Variants in AUH observed in about 807,000 individuals in gnomAD.
The protein encoded by AUH is methylglutaconyl-CoA hydratase, mitochondrial.
A neutral mutation model predicts 42.3 loss-of-function variants in AUH; 29 were observed. The observed-to-expected ratio is 0.69, with a 90% CI of 0.51 to 0.93. The LOEUF (loss-of-function observed/expected upper bound fraction) is 0.93. Ranked by LOEUF, AUH falls within the 40% of genes least tolerant of loss-of-function variation. AUH has a pLI of 0.00. For missense variants in AUH, 452 were observed against 438.1 expected, an observed-to-expected ratio of 1.03 and a Z score of -0.28; for synonymous variants, 174 against 166.4, an observed-to-expected ratio of 1.05 and a Z score of -0.35.
intron 4 of AUH, among the ~76,000 whole-genome samples, chr9:91,300,179 C>T (rs535508208): frequency 6.6e-6 from 1 of 152,230 alleles, no homozygotes; most frequent in East Asian, 1.9e-4. Flanking sequence ...CCATCTACCT[C>T]TGGTAATTTC....
chr9:91,278,036 G>GT (rs1234748226), intron 6 of AUH, among the ~76,000 whole-genome samples: 3 of 152,176 alleles, frequency 2.0e-5, no homozygotes, highest in Non-Finnish European at 2.9e-5. Context: ...GAGGCAGCAG[G>GT]TGAGTTTTAA....
intron 3 of AUH, among the ~76,000 whole-genome samples, chr9:91,326,660 A>C (rs906484882): frequency 5.9e-5 from 9 of 152,182 alleles, no homozygotes; most frequent in Admixed American, 5.9e-4. Flanking sequence ...AGAAATGATA[A>C]ATTCAATTGG....
intron 6 of AUH, among the ~76,000 whole-genome samples, chr9:91,254,349 G>A (rs577455380): frequency 6.6e-6 from 1 of 152,312 alleles, no homozygotes; most frequent in South Asian, 2.1e-4. Context: ...ACAACAGCAG[G>A]GGCCTCAAAT....
At chr9:91,287,953 G>C (rs1176831869) in intron 6 of AUH, among the ~76,000 whole-genome samples, 1 of 152,020 alleles carries the variant, frequency 6.6e-6, no homozygotes, top group African/African-American at 2.4e-5. Flanking sequence ...GGAATGGAAG[G>C]AGAAAGAAAA....
intron 6 of AUH, among the ~76,000 whole-genome samples, chr9:91,228,445 T>C (rs1564012640): frequency 1.4e-5 from 2 of 147,874 alleles, no homozygotes; most frequent in Non-Finnish European, 3.0e-5. Flanking sequence ...CTTCTCTCTT[T>C]TTTTCTTTAT....
At position 91,227,332 on chromosome 9, in the gene AUH, C is replaced by T. The variant is rs1358066260; in HGVS notation, c.656-6340G>A. Among the ~76,000 whole-genome samples, 164 of 124,428 alleles carry T rather than the reference C, an allele frequency of 1.3e-3. 4 individuals carry two copies. In the East Asian group the frequency reaches 0.035, roughly 27 times the overall value. The allele number at this position is 124,428 out of a possible 152,430, so 81.6% of individuals were successfully genotyped here. A position where few individuals can be genotyped will look rare whatever the true frequency, so the allele number is the denominator to read the frequency against. On this transcript the variant is annotated intron_variant, in intron 6 of 9. Transcript: ENST00000375731. ...TGAAGCAATTGTGAATGGGAGTTCA[C>T]TCATGATTTGGCTCTCTGTTTGTCT...
At chr9:91,284,768 T>G (rs1158389672) in intron 6 of AUH, among the ~76,000 whole-genome samples, 1 of 152,160 alleles carries the variant, frequency 6.6e-6, no homozygotes, top group Non-Finnish European at 1.5e-5. Flanking sequence ...AGATACCATC[T>G]CACACCAGTT....
chr9:91,345,409 A>C (rs912637287), intron 3 of AUH, among the ~76,000 whole-genome samples: 1 of 152,220 alleles, frequency 6.6e-6, no homozygotes, highest in Non-Finnish European at 1.5e-5. Flanking sequence ...GTAATAAAAA[A>C]TTGGGAGTAA....
intron 6 of AUH, among the ~76,000 whole-genome samples, chr9:91,258,051 T>C (rs1012600931): frequency 6.6e-6 from 1 of 152,222 alleles, no homozygotes; most frequent in Non-Finnish European, 1.5e-5. Flanking sequence ...TACTTTGCAA[T>C]GGTCATTGCT....
intron 3 of AUH, among the ~76,000 whole-genome samples, chr9:91,341,834 G>A (rs1460386948): frequency 6.6e-6 from 1 of 152,212 alleles, no homozygotes; most frequent in Non-Finnish European, 1.5e-5. Flanking sequence ...AAAATGTGAT[G>A]GAGGCTGGGG....
chr9:91,247,913 A>G (rs1564027979), intron 6 of AUH, among the ~76,000 whole-genome samples: 1 of 152,190 alleles, frequency 6.6e-6, no homozygotes, highest in Non-Finnish European at 1.5e-5. Context: ...TTTTGGATAC[A>G]AGTCCTTTAT....
chr9:91,271,431 C>T (rs1203822227), intron 6 of AUH, among the ~76,000 whole-genome samples: 1 of 152,190 alleles, frequency 6.6e-6, no homozygotes, highest in Non-Finnish European at 1.5e-5. Context: ...GCTTAATGTT[C>T]TGCCATTTCT....
intron 6 of AUH, among the ~76,000 whole-genome samples, chr9:91,253,957 A>T (rs1351707641): frequency 6.6e-6 from 1 of 152,266 alleles, no homozygotes; most frequent in Non-Finnish European, 1.5e-5. Context: ...CAAATAAATA[A>T]GCTAAGTACA....
intron 3 of AUH, among the ~76,000 whole-genome samples, chr9:91,336,689 A>AAAAAAAAAG (rs1830718646): frequency 7.0e-6 from 1 of 143,860 alleles, no homozygotes; most frequent in Admixed American, 6.9e-5. Context: ...CCAGAAAAAG[A>AAAAAAAAAG]AAAAAAAAAA....
chr9:91,295,882 G>A lies in AUH; in HGVS notation c.655+139C>T, dbSNP rs528998163. ...TTAGGTATGCCTGTAACTTGAATGGGGACTTTGCTAGGGATGCAAACAATA... is the reference window on the plus strand; with the variant it reads ...TTAGGTATGCCTGTAACTTGAATGGAGACTTTGCTAGGGATGCAAACAATA... On this transcript the variant is annotated intron_variant, in intron 6 of 9. Coordinates refer to ENST00000375731, the MANE Select transcript of AUH (RefSeq NM_001698.3). 10 of 930,416 alleles carry A rather than the reference G, an allele frequency of 1.1e-5. No individual in the cohort carries two copies. The Admixed American group carries it at 1.2e-4, about 11-fold the overall frequency. 57.6% of individuals were successfully genotyped at this position (930,416 alleles called of 1,614,324 possible).
Position 91,220,934 on chromosome 9 carries a change from G to A in AUH, c.714C>T (p.Phe238=), listed in dbSNP as rs1173204062. The A allele has an allele frequency of 1.2e-6, 2 of 1,614,226 alleles. No homozygotes were observed. The highest frequency in any genetic ancestry group is 3.3e-5 in the Admixed American group (2 of 60,028). The change falls in exon 7 of 10, where the codon TTC becomes TTT. Residue 238 remains phenylalanine (F), a synonymous_variant. Coordinates refer to ENST00000375731, the MANE Select transcript of AUH (RefSeq NM_001698.3). ...CTTTGCCATCGAGGACTCGCGCAGA[G>A]AATATGAGCTCCTTGGCCAGGGACA... ...IGMSLAKELI[F]SARVLDGKEA...
In AUH at chr9:91,283,540, T is replaced by C. The variant is rs111307603; in HGVS notation, c.655+12481A>G. Among the ~76,000 whole-genome samples, 8 of 152,246 alleles carry C rather than the reference T, an allele frequency of 5.3e-5. No individual in the cohort carries two copies. The East Asian group carries it at 9.7e-4, about 18-fold the overall frequency. On this transcript the variant is annotated intron_variant, in intron 6 of 9. Coordinates refer to ENST00000375731, the MANE Select transcript of AUH (RefSeq NM_001698.3). Reference sequence around the variant, plus strand: ...TCAAATTGTCCCTGTTTGCAGATGATATGATTGCATATTTAGAAAACCCCA... The same window carrying C: ...TCAAATTGTCCCTGTTTGCAGATGACATGATTGCATATTTAGAAAACCCCA...
At chr9:91,295,941 C>G (rs1356283954) in intron 6 of AUH, 80 bp downstream of exon 6, 12 of 1,502,354 alleles carry the variant, frequency 8.0e-6, no homozygotes, top group Non-Finnish European at 1.1e-5. Context: ...TGTTGCCTTT[C>G]CAATTAACAT....
intron 6 of AUH, among the ~76,000 whole-genome samples, chr9:91,282,541 T>A (rs1035695232): frequency 6.6e-6 from 1 of 152,122 alleles, no homozygotes; most frequent in Non-Finnish European, 1.5e-5. Flanking sequence ...GAAAACAGTA[T>A]GTGAGCAGGA....
Sources: gnomAD v4.1 joint callset for allele counts (sites outside exome capture counted in the v4.1 genomes callset) on GRCh38, gnomAD v4.1.1 for gene constraint, MANE v1.5 for transcripts, NCBI Gene and HGNC (gene_info 2026-07-23, HGNC 2026-07-21) for gene names.